Variants in ING3 observed in about 807,000 individuals in gnomAD.
The protein encoded by ING3 is inhibitor of growth family member 3.
Under a neutral mutation model 64.8 loss-of-function variants are expected in ING3, and 6 were observed. The observed-to-expected ratio is 0.09, with a 90% confidence interval of 0.05 to 0.18. The LOEUF (loss-of-function observed/expected upper bound fraction) is 0.18, where lower values mean the gene tolerates loss of function less well. Among genes scored for constraint, ING3 ranks in the 10% least tolerant of loss-of-function variants. The pLI is 1.00. For synonymous variants in ING3, 170 were observed against 173.7 expected (o/e 0.98, Z 0.17); for missense variants, 310 against 489.7 (o/e 0.63, Z 3.46).
chr7:120,951,080 G>C (rs1394185767), intron 1 of ING3, 84 bp from the exon 2 acceptor site: 1 of 1,544,868 alleles, frequency 6.5e-7, no homozygotes, highest in South Asian at 1.1e-5. Flanking sequence ...CGGCCCCCTC[G>C]ACCCCCCTGA....
In ING3 at chr7:120,967,992, C is replaced by T. The variant is rs544948959; in HGVS notation, c.615C>T (p.Ser205=). ...ACAATGCCTACAATGTGAATTCCTC[C>T]CAACCTCTGGGATCCTATAACATTG... ...SSNNAYNVNS[S]QPLGSYNIGS... The change falls in exon 8 of 12, where the codon TCC becomes TCT. Residue 205 remains serine, a synonymous_variant. Transcript: ENST00000315870. 1 of 1,614,036 alleles carries T rather than the reference C, an allele frequency of 6.2e-7. No homozygotes were observed. Among genetic ancestry groups the T allele is most frequent in the East Asian group, 2.2e-5 (1 of 44,866 alleles).
chr7:120,967,378 T>C, intron 6 of ING3, 151 bp from the exon 7 acceptor site: 1 of 488,560 alleles, frequency 2.0e-6, no homozygotes, highest in Non-Finnish European at 3.5e-6. Context: ...CACAGAGTTC[T>C]GCTTGTCCTG....
chr7:120,952,165 A>AT (rs1412843258), intron 2 of ING3, among the ~76,000 whole-genome samples: 3 of 152,210 alleles, frequency 2.0e-5, no homozygotes, highest in African/African-American at 7.2e-5. Context: ...TATCTCACAA[A>AT]TTCATTTTAA....
At chr7:120,956,918 T>C in intron 4 of ING3, 1 of 598,154 alleles carries the variant, frequency 1.7e-6, no homozygotes, top group South Asian at 7.4e-5. Context: ...TTGTTAGACC[T>C]TTACTAAAGA....
rs1213812067 is a variant in ING3, at chr7:120,953,347, G to A, written c.144G>A (p.Met48Ile). ...QLEQRVSEFFMNAKKNKPEWR... is the reference protein window; with the variant it reads ...QLEQRVSEFFINAKKNKPEWR... ...AACAAAGAGTCAGTGAATTCTTTAT[G>A]AATGCAAAGAAAAATAAACCTGAGT... The change falls in exon 3 of 12, where the codon ATG becomes ATA. Residue 48 changes from methionine to isoleucine, a missense_variant. Coordinates refer to ENST00000315870, the MANE Select transcript of ING3 (RefSeq NM_019071.3). The A allele has an allele frequency of 6.2e-7, 1 of 1,607,316 alleles. No homozygotes were observed. Among genetic ancestry groups the A allele is most frequent in the Admixed American group, 1.7e-5 (1 of 58,630 alleles).
chr7:120,968,956 A>AAAACTTTGTAAAAC, intron 8 of ING3, 55 bp from the exon 9 acceptor site: 1 of 1,166,696 alleles, frequency 8.6e-7, no homozygotes, highest in Admixed American at 2.5e-5. Flanking sequence ...AAAACTTGAA[A>AAAACTTTGTAAAAC]AAGAAAATCT....
chr7:120,964,954 A>C, intron 5 of ING3, 116 bp downstream of exon 5: 2 of 744,726 alleles, frequency 2.7e-6, no homozygotes, highest in Non-Finnish European at 4.6e-6. Context: ...GGTGGCATCC[A>C]GGCCAGATAG....
At chr7:120,966,577 C>T (rs1795999651) in intron 5 of ING3, 49 bp from the exon 6 acceptor site, 1 of 1,385,882 alleles carries the variant, frequency 7.2e-7, no homozygotes, top group Non-Finnish European at 1.0e-6. Flanking sequence ...ATGTGAAGTT[C>T]TGCGGTGACA....
At chr7:120,965,880 A>G (rs528985958) in intron 5 of ING3, among the ~76,000 whole-genome samples, 2 of 152,300 alleles carry the variant, frequency 1.3e-5, no homozygotes, top group East Asian at 3.8e-4. Context: ...AAAATTCTGT[A>G]TCTGCTTTGA....
intron 8 of ING3, 67 bp from the exon 9 acceptor site, chr7:120,968,944 G>A (rs1471358097): frequency 4.6e-6 from 4 of 864,106 alleles, no homozygotes; most frequent in African/African-American, 1.8e-5. Context: ...ACTATAATTT[G>A]TAAAACTTGA....
chr7:120,970,171 A>G (rs760667699), intron 9 of ING3, among the ~76,000 whole-genome samples: 56 of 152,120 alleles, frequency 3.7e-4, no homozygotes, highest in Non-Finnish European at 6.2e-4. Flanking sequence ...ACTTAAAAAT[A>G]CGAATAATGA....
chr7:120,970,014 A>G (rs1796045971), intron 9 of ING3, among the ~76,000 whole-genome samples: 1 of 152,232 alleles, frequency 6.6e-6, no homozygotes, highest in African/African-American at 2.4e-5. Context: ...CATAGGGCTT[A>G]GCAGTAAATT....
chr7:120,966,822 G>A (rs1796002660), intron 6 of ING3, 125 bp downstream of exon 6: 10 of 702,472 alleles, frequency 1.4e-5, no homozygotes, highest in Admixed American at 1.4e-4. Context: ...TTTTTTCATT[G>A]CAAGTACTGG....
chr7:120,950,968 G>A (rs777915219), intron 1 of ING3, 44 bp downstream of exon 1: 11 of 1,609,778 alleles, frequency 6.8e-6, no homozygotes, highest in South Asian at 1.1e-5. Context: ...GGACGTGCGG[G>A]CGGGCAAGAG....
intron 4 of ING3, among the ~76,000 whole-genome samples, chr7:120,963,393 C>T (rs1795957889): frequency 6.6e-6 from 1 of 151,164 alleles, no homozygotes; most frequent in South Asian, 2.1e-4. Flanking sequence ...AATAATAGGA[C>T]AATATTACTA....
chr7:120,951,090 A>C, intron 1 of ING3, 74 bp from the exon 2 acceptor site: 2 of 1,564,282 alleles, frequency 1.3e-6, no homozygotes, highest in Non-Finnish European at 1.8e-6. Context: ...GACCCCCCTG[A>C]CGCACGCGCG....
rs200696096 is a variant in ING3 at position 120,966,566 on chromosome 7, CAT to C, written c.365-59_365-58del. 1.4e-3 allele frequency: 1,721 copies of C among 1,247,764 alleles called. 29 individuals are homozygous for C. The African/African-American group carries it at 0.022, about 16-fold the overall frequency. The allele number at this position is 1,247,764 out of a possible 1,614,324, so 77.3% of individuals were successfully genotyped here. A position where few individuals can be genotyped will look rare whatever the true frequency, so the allele number is the denominator to read the frequency against. ...GAACTCATTGCCTGTAGTTGAGTGA[CAT>C]GTGAAGTTCTGCGGTGACATTTAAT... is the stretch of plus-strand genomic sequence containing the variant. On this transcript the variant is annotated intron_variant, in intron 5 of 11. Coordinates refer to ENST00000315870, the MANE Select transcript of ING3 (RefSeq NM_019071.3).
rs1476976318 is a variant in ING3, at chr7:120,950,902, G to A, written c.6G>A (p.Leu2=). The A allele has an allele frequency of 1.9e-6, 3 of 1,613,588 alleles. No homozygotes were observed. Among genetic ancestry groups the A allele is most frequent in the Non-Finnish European group, 2.5e-6 (3 of 1,179,736 alleles). The change falls in exon 1 of 12, where the codon TTG becomes TTA. Residue 2 remains leucine, a synonymous_variant. Transcript: ENST00000315870. ...CCTCAGCTCTAAGGGCCGCGATGTT[G>A]TACCTAGAAGACTATCTGGAAAGTG... is the stretch of plus-strand genomic sequence containing the variant. The part of the protein sequence containing the change: M[L]YLEDYLEMIE...
intron 2 of ING3, among the ~76,000 whole-genome samples, 161 bp downstream of exon 2, chr7:120,951,396 C>A (rs1390559223): frequency 6.6e-6 from 1 of 152,220 alleles, no homozygotes; most frequent in Non-Finnish European, 1.5e-5. Flanking sequence ...ATCTCGCCTT[C>A]CCCTTCCCTC....
Sources: allele counts gnomAD v4.1 joint callset (sites outside exome capture counted in the v4.1 genomes callset), GRCh38; gene constraint gnomAD v4.1.1; transcripts MANE v1.5; gene names NCBI Gene and HGNC (gene_info 2026-07-23, HGNC 2026-07-21).